The following PCDHA3 variants were observed in gnomAD, a reference collection of about 807,000 sequenced individuals.
PCDHA3 encodes protocadherin alpha 3.
Under a neutral mutation model 62.2 loss-of-function variants are expected in PCDHA3, and 41 were observed. That is an observed-to-expected ratio of 0.66 (90% CI 0.51 to 0.86). PCDHA3 has a LOEUF of 0.86. Among genes scored for constraint, PCDHA3 ranks in the 40% least tolerant of loss-of-function variants. The pLI, the probability that PCDHA3 is intolerant of heterozygous loss-of-function variation, is 0.00. For synonymous variants in PCDHA3, 640 were observed against 555.4 expected (o/e 1.15, Z -2.14); for missense variants, 1,304 against 1,241.2 (o/e 1.05, Z -0.76).
chr5:140,924,110 CAGTT>C (rs1462987261), intron 1 of PCDHA3, among the ~76,000 whole-genome samples: 2 of 152,206 alleles, frequency 1.3e-5, no homozygotes, highest in Non-Finnish European at 2.9e-5. Flanking sequence ...CATTCCAAAG[CAGTT>C]AGCTTGCTTA....
At chr5:140,941,319 CTTT>C (rs70988781) in intron 1 of PCDHA3, among the ~76,000 whole-genome samples, 1 of 104,392 alleles carries the variant, frequency 9.6e-6, no homozygotes. Flanking sequence ...TCTTCTTTCT[CTTT>C]TTTTTTTTTT....
chr5:140,906,999 G>T lies in PCDHA3; in HGVS notation c.2395-71950G>T, dbSNP rs187849442. Among the ~76,000 whole-genome samples the T allele has an allele frequency of 8.0e-3, 1,219 of 152,202 alleles. 6 individuals are homozygous for T. The highest frequency in any genetic ancestry group is 0.019 in the African/African-American group (787 of 41,528). On this transcript the variant is annotated intron_variant, in intron 1 of 3. Coordinates refer to ENST00000522353, the MANE Select transcript of PCDHA3 (RefSeq NM_018906.3). Reference sequence around the variant, plus strand: ...TTCTGGTGGCAGCATTCCTCCCTCTGGAACTAAGACCTCTAGGCCAGCAGA... The same window carrying T: ...TTCTGGTGGCAGCATTCCTCCCTCTTGAACTAAGACCTCTAGGCCAGCAGA...
chr5:140,870,319 T>C (rs782623881), intron 1 of PCDHA3: 3 of 1,614,162 alleles, frequency 1.9e-6, no homozygotes, highest in Non-Finnish European at 2.5e-6. Context: ...TTACTACTCG[T>C]TGGTGCTGGA....
intron 1 of PCDHA3, chr5:140,841,625 T>C (rs1425270500): frequency 1.9e-6 from 3 of 1,614,028 alleles, no homozygotes; most frequent in African/African-American, 1.3e-5. Flanking sequence ...GAGCGCGGAG[T>C]GCAGCATCCA....
At chr5:140,920,835 C>T (rs1253933771) in intron 1 of PCDHA3, among the ~76,000 whole-genome samples, 1 of 141,740 alleles carries the variant, frequency 7.1e-6, no homozygotes, top group Non-Finnish European at 1.5e-5. Flanking sequence ...GGAGCAAGAC[C>T]AAATCTAAAA....
chr5:140,856,103 C>G (rs1554148182), intron 1 of PCDHA3: 1 of 1,597,894 alleles, frequency 6.3e-7, no homozygotes, highest in South Asian at 1.1e-5. Context: ...CTCGCTTCTT[C>G]TCCTCGCAGC....
At chr5:140,842,946 T>C (rs2150348496) in intron 1 of PCDHA3, 1 of 1,594,616 alleles carries the variant, frequency 6.3e-7, no homozygotes, top group Non-Finnish European at 8.6e-7. Flanking sequence ...GACGCGGGCG[T>C]GCCGCCTCTG....
At chr5:140,918,816 A>C (rs1178287306) in intron 1 of PCDHA3, among the ~76,000 whole-genome samples, 1 of 62,452 alleles carries the variant, frequency 1.6e-5, no homozygotes, top group Admixed American at 1.3e-4. Context: ...ATGAACCAAA[A>C]AGTGGCCCCC....
At chr5:140,812,637 T>C (rs1381777421) in intron 1 of PCDHA3, 3 of 152,176 alleles carry the variant, frequency 2.0e-5, no homozygotes, top group Admixed American at 1.3e-4. Context: ...TTTGTTTTCA[T>C]GTTTAAGAGA....
chr5:140,851,814 CAG>C, intron 1 of PCDHA3: 1 of 954,570 alleles, frequency 1.0e-6, no homozygotes, highest in Non-Finnish European at 1.3e-6. Flanking sequence ...ATCCATAAGA[CAG>C]AAATCTGTTT....
chr5:140,875,206 A>G (rs1554167551), intron 1 of PCDHA3: 2 of 644,508 alleles, frequency 3.1e-6, no homozygotes, highest in South Asian at 3.9e-5. Context: ...AAGTGGCTAA[A>G]CCGAAAAGAA....
chr5:140,823,495 G>T (rs1004067167), intron 1 of PCDHA3: 2 of 1,613,220 alleles, frequency 1.2e-6, no homozygotes, highest in Non-Finnish European at 1.7e-6. Context: ...TGGCACCGGC[G>T]GCGCAGTGAG....
Position 140,843,849 on chromosome 5 carries a change from T to G in PCDHA3, c.2394+40258T>G. 2 of 972,226 alleles carry G rather than the reference T, an allele frequency of 2.1e-6. 1 individual carries two copies. Among genetic ancestry groups the G allele is most frequent in the South Asian group, 3.4e-5 (2 of 58,960 alleles). 60.2% of individuals were successfully genotyped at this position (972,226 alleles called of 1,614,324 possible). ...ACATTGTTTAGTTTTTAGAAACCTTTTATAATTAATTGAATTTTCTCAGTG... is the reference window on the plus strand; with the variant it reads ...ACATTGTTTAGTTTTTAGAAACCTTGTATAATTAATTGAATTTTCTCAGTG... On this transcript the variant is annotated intron_variant, in intron 1 of 3. Transcript: ENST00000522353.
At chr5:140,968,229 TC>T in intron 1 of PCDHA3, 2 of 1,613,970 alleles carry the variant, frequency 1.2e-6, no homozygotes, top group Non-Finnish European at 1.7e-6. Flanking sequence ...GGTGTGTTGC[TC>T]TGTACTGTGC....
chr5:140,870,825 C>T, intron 1 of PCDHA3: 1 of 1,613,726 alleles, frequency 6.2e-7, no homozygotes, highest in Non-Finnish European at 8.5e-7. Flanking sequence ...GCGCGGGAGG[C>T]GCAGTTAACA....
intron 1 of PCDHA3, among the ~76,000 whole-genome samples, chr5:140,902,974 AGGTT>A (rs2069912537): frequency 6.6e-6 from 1 of 152,178 alleles, no homozygotes. Context: ...ATGGGCATTT[AGGTT>A]GGTTCCATAT....
intron 3 of PCDHA3, among the ~76,000 whole-genome samples, chr5:141,000,193 A>G (rs554462748): frequency 2.0e-5 from 3 of 151,958 alleles, no homozygotes; most frequent in Non-Finnish European, 4.4e-5. Flanking sequence ...ATGTGAGAAT[A>G]GTTTTTCACC....
In PCDHA3 at chr5:141,011,189, A is replaced by G. The variant is rs573647175; in HGVS notation, c.*1252A>G. On this transcript the variant is annotated 3_prime_UTR_variant, in exon 4 of 4. Coordinates refer to ENST00000522353, the MANE Select transcript of PCDHA3 (RefSeq NM_018906.3). ...CAAGACCCAAAAATTGAAGAAAAAT[A>G]TTGTTTTCTCATACAGTGAGCAGAT... 1.3e-5 allele frequency: 2 copies of G among 153,810 alleles called. No homozygotes were observed. Among genetic ancestry groups the G allele is most frequent in the African/African-American group, 4.8e-5 (2 of 41,570 alleles). 9.5% of individuals were successfully genotyped at this position (153,810 alleles called of 1,614,324 possible).
At chr5:140,842,563 C>T in intron 1 of PCDHA3, 2 of 1,499,332 alleles carry the variant, frequency 1.3e-6, no homozygotes, top group South Asian at 1.2e-5. Flanking sequence ...GCGCCCTGGA[C>T]CGCGAGAGAG....
Sources: gnomAD v4.1 joint callset for allele counts (sites outside exome capture counted in the v4.1 genomes callset) on GRCh38, gnomAD v4.1.1 for gene constraint, MANE v1.5 for transcripts, NCBI Gene and HGNC (gene_info 2026-07-23, HGNC 2026-07-21) for gene names.